The following WDR19 variants were observed in gnomAD, a reference collection of about 807,000 sequenced individuals.
WDR19 encodes the protein WD repeat domain 19, also known as WD repeat-containing protein 19.
A neutral mutation model predicts 180.0 loss-of-function variants in WDR19; 121 were observed. The observed-to-expected ratio is 0.67, with a 90% CI of 0.58 to 0.78. The LOEUF (loss-of-function observed/expected upper bound fraction) is 0.78. Among genes scored for constraint, WDR19 ranks in the 30% least tolerant of loss-of-function variants. WDR19 has a pLI of 0.00. For missense variants in WDR19, 1,450 were observed against 1,640.7 expected (o/e 0.88, Z 2.01); for synonymous variants, 497 against 540.7 (o/e 0.92, Z 1.12).
chr4:39,258,795 T>C (rs1478056250), intron 28 of WDR19, among the ~76,000 whole-genome samples: 1 of 152,210 alleles, frequency 6.6e-6, no homozygotes, highest in African/African-American at 2.4e-5. Context: ...GAATCTTTTA[T>C]AGTTAGTGCT....
intron 21 of WDR19, among the ~76,000 whole-genome samples, chr4:39,241,492 T>C (rs545824763): frequency 0.09 from 1,108 of 12,246 alleles, 27 homozygotes; most frequent in African/African-American, 0.21. Context: ...AGACTATATC[T>C]CAAAAAAAAA....
chr4:39,215,478 A>G (rs1219321604), intron 10 of WDR19, among the ~76,000 whole-genome samples: 1 of 152,116 alleles, frequency 6.6e-6, no homozygotes, highest in Non-Finnish European at 1.5e-5. Flanking sequence ...ATAGCCTAGG[A>G]GCAATAGGCT....
chr4:39,214,358 A>G (rs1728843086), intron 9 of WDR19, among the ~76,000 whole-genome samples: 1 of 152,022 alleles, frequency 6.6e-6, no homozygotes, highest in Admixed American at 6.6e-5. Flanking sequence ...GCCAGGCACA[A>G]CCCTACCCGC....
intron 28 of WDR19, among the ~76,000 whole-genome samples, chr4:39,259,780 T>C (rs1323502930): frequency 6.6e-6 from 1 of 152,208 alleles, no homozygotes; most frequent in East Asian, 1.9e-4. Flanking sequence ...AAACTCTGTG[T>C]TTAACATTCT....
chr4:39,250,314 T>C (rs973257017), intron 24 of WDR19, among the ~76,000 whole-genome samples: 1 of 152,212 alleles, frequency 6.6e-6, no homozygotes, highest in Non-Finnish European at 1.5e-5. Context: ...CAACGCTTCA[T>C]GCTAAAAGCT....
Position 39,224,423 on chromosome 4 carries a change from C to G in WDR19, c.1480-461C>G, listed in dbSNP as rs142263576. ...TGAGTCAGAGTCTCGCTGTATTGCC[C>G]AGGCTAGAGTGCAATGGTGCAATCT... On this transcript the variant is annotated intron_variant, in intron 14 of 36. Transcript: ENST00000399820. 3.4e-4 allele frequency among the ~76,000 whole-genome samples: 52 copies of G among 151,732 alleles called. No homozygotes were observed. In the East Asian group the frequency reaches 9.1e-3, roughly 26 times the overall value.
chr4:39,283,099 G>T (rs1432754682), intron 36 of WDR19, among the ~76,000 whole-genome samples: 1 of 152,168 alleles, frequency 6.6e-6, no homozygotes, highest in African/African-American at 2.4e-5. Context: ...CTATTGTGAT[G>T]TAAGATTTTT....
At chr4:39,226,747 C>T (rs1203661025) in intron 15 of WDR19, among the ~76,000 whole-genome samples, 1 of 152,158 alleles carries the variant, frequency 6.6e-6, no homozygotes, top group Admixed American at 6.5e-5. Context: ...TTGTAAGTAG[C>T]ACTGTCCAAT....
chr4:39,197,425 C>CAAAAAA (rs11343008), intron 5 of WDR19, among the ~76,000 whole-genome samples: 1 of 113,340 alleles, frequency 8.8e-6, no homozygotes, highest in African/African-American at 3.5e-5. Context: ...GACTCTATCT[C>CAAAAAA]AAAAAAAAAA....
chr4:39,228,115 C>A, intron 15 of WDR19, 95 bp from the exon 16 acceptor site: 1 of 1,411,034 alleles, frequency 7.1e-7, no homozygotes, highest in Admixed American at 2.0e-5. Flanking sequence ...ACTCAGTAAG[C>A]TAAGCCAGCT....
At chr4:39,186,740 T>A in intron 3 of WDR19, 136 bp downstream of exon 3, 1 of 593,968 alleles carries the variant, frequency 1.7e-6, no homozygotes, top group Non-Finnish European at 2.8e-6. Flanking sequence ...TTTTTAGCCA[T>A]AAGTAGTTAT....
In WDR19 at chr4:39,255,959, G is replaced by A. The variant is rs1322637464; in HGVS notation, c.3113G>A (p.Arg1038Gln). ...TTCTTGCTGTGTGGCCAATATTCAC[G>A]AGTTAGTATTTGCCAAGAAAATATA... ...KFFLLCGQYS[R>Q]ALKHFLKCPS... The change falls in exon 27 of 37, where the codon CGA becomes CAA. Residue 1038 changes from arginine (R) to glutamine (Q), a missense_variant and splice_region_variant. Transcript: ENST00000399820. 7.2e-6 allele frequency: 11 copies of A among 1,517,512 alleles called. No individual in the cohort carries two copies. In the Admixed American group the frequency reaches 7.6e-5, roughly 11 times the overall value. The allele number at this position is 1,517,512 out of a possible 1,614,324, so 94.0% of individuals were successfully genotyped here.
intron 21 of WDR19, 34 bp downstream of exon 21, chr4:39,240,368 A>G: frequency 7.8e-7 from 1 of 1,281,444 alleles, no homozygotes; most frequent in Non-Finnish European, 1.0e-6. Context: ...ATGCCTAATT[A>G]TGTCTGGGTT....
intron 24 of WDR19, among the ~76,000 whole-genome samples, chr4:39,252,012 A>G (rs151331305): frequency 0.083 from 12,611 of 152,238 alleles, 661 homozygotes; most frequent in East Asian, 0.2. Flanking sequence ...TACTAGGTAT[A>G]TACGCAAAGG....
intron 24 of WDR19, among the ~76,000 whole-genome samples, chr4:39,247,725 G>A (rs933249345): frequency 4.6e-5 from 7 of 151,984 alleles, no homozygotes; most frequent in South Asian, 2.1e-4. Flanking sequence ...CTCAGTAACC[G>A]ATGTGATCAA....
intron 17 of WDR19, among the ~76,000 whole-genome samples, chr4:39,229,657 G>C (rs1242741364): frequency 2.0e-5 from 3 of 151,940 alleles, no homozygotes; most frequent in African/African-American, 7.3e-5. Flanking sequence ...GGTCTCATGA[G>C]TTTCCTTCTC....
intron 14 of WDR19, among the ~76,000 whole-genome samples, chr4:39,220,188 C>T (rs1345736666): frequency 1.3e-5 from 2 of 152,108 alleles, no homozygotes; most frequent in African/African-American, 4.8e-5. Flanking sequence ...CCACTACACT[C>T]CAGCCTGGGT....
rs186328351 is a variant in WDR19, at chr4:39,274,272, C to T, written c.3566-536C>T. Reference sequence around the variant, plus strand: ...TGTTGTTACATCAAAGTCTACCATGCGGGCAAGGTATGGGATAGGACAGGC... The same window carrying T: ...TGTTGTTACATCAAAGTCTACCATGTGGGCAAGGTATGGGATAGGACAGGC... On this transcript the variant is annotated intron_variant, in intron 32 of 36. Coordinates refer to ENST00000399820, the MANE Select transcript of WDR19 (RefSeq NM_025132.4). 174 of 153,270 alleles carry T rather than the reference C, an allele frequency of 1.1e-3. 1 individual carries two copies. Among genetic ancestry groups the T allele is most frequent in the Non-Finnish European group, 2.0e-3 (138 of 68,742 alleles). 9.5% of individuals were successfully genotyped at this position (153,270 alleles called of 1,614,324 possible).
intron 9 of WDR19, among the ~76,000 whole-genome samples, chr4:39,212,510 G>A (rs1018431612): frequency 6.6e-6 from 1 of 152,200 alleles, no homozygotes; most frequent in African/African-American, 2.4e-5. Context: ...ATGAAAAGAT[G>A]GCCGGACGCG....
Sources: gnomAD v4.1 joint callset for allele counts (sites outside exome capture counted in the v4.1 genomes callset) on GRCh38, gnomAD v4.1.1 for gene constraint, MANE v1.5 for transcripts, NCBI Gene and HGNC (gene_info 2026-07-23, HGNC 2026-07-21) for gene names.